The following ELF2 variants were observed in gnomAD, a reference collection of about 807,000 sequenced individuals.
ELF2 encodes ETS-related transcription factor Elf-2.
Under a neutral mutation model 54.8 loss-of-function variants are expected in ELF2, and 11 were observed. The observed-to-expected ratio is 0.20, with a 90% CI of 0.13 to 0.33. The LOEUF (loss-of-function observed/expected upper bound fraction) is 0.33, where lower values mean the gene tolerates loss of function less well. Among genes scored for constraint, ELF2 ranks in the 10% least tolerant of loss-of-function variants. The pLI, the probability that ELF2 is intolerant of heterozygous loss-of-function variation, is 1.00. For synonymous variants in ELF2, 203 were observed against 245.1 expected, an observed-to-expected ratio of 0.83 and a Z score of 1.61; for missense variants, 513 against 703.0, an observed-to-expected ratio of 0.73 and a Z score of 3.06.
At chr4:139,159,077 C>A (rs926052567) in intron 1 of ELF2, among the ~76,000 whole-genome samples, 12 of 152,068 alleles carry the variant, frequency 7.9e-5, no homozygotes, top group Non-Finnish European at 1.5e-4. Context: ...GAAGAAATGA[C>A]CATGGTGGCC....
Position 139,096,007 on chromosome 4 carries a change from A to G in ELF2, c.239-22440T>C, listed in dbSNP as rs532252518. 5.5e-4 allele frequency among the ~76,000 whole-genome samples: 84 copies of G among 152,164 alleles called. 1 individual carries two copies. The highest frequency in any genetic ancestry group is 1.1e-3 in the Non-Finnish European group (72 of 68,020). On this transcript the variant is annotated intron_variant, in intron 4 of 9. Coordinates refer to ENST00000686138, the MANE Select transcript of ELF2 (RefSeq NM_001331036.3). ...ATGCCCGTAATCCCAGCTACTCGGG[A>G]GGCTGAGGCAGGAGAATCGCTTAAA...
At chr4:139,073,334 A>G in intron 5 of ELF2, 120 bp downstream of exon 5, 1 of 518,452 alleles carries the variant, frequency 1.9e-6, no homozygotes, top group South Asian at 4.8e-5. Context: ...TCATGTATTC[A>G]TGTGTAATGT....
intron 3 of ELF2, among the ~76,000 whole-genome samples, chr4:139,128,627 T>C (rs1737185216): frequency 1.3e-5 from 2 of 150,928 alleles, no homozygotes; most frequent in Admixed American, 1.3e-4. Flanking sequence ...GCTCAAACCA[T>C]CCTCCCACCT....
intron 1 of ELF2, among the ~76,000 whole-genome samples, chr4:139,163,795 T>A (rs1741407612): frequency 6.6e-6 from 1 of 151,898 alleles, no homozygotes. Flanking sequence ...GTGCCTGTAG[T>A]CTCAGCTACT....
intron 3 of ELF2, among the ~76,000 whole-genome samples, chr4:139,127,983 A>G (rs995626097): frequency 6.7e-6 from 1 of 150,340 alleles, no homozygotes; most frequent in Non-Finnish European, 1.5e-5. Flanking sequence ...AAAAAAAAAA[A>G]TTCAGACCAG....
At chr4:139,143,002 C>CAGA (rs3041239) in intron 1 of ELF2, among the ~76,000 whole-genome samples, 5,308 of 152,254 alleles carry the variant, frequency 0.035, 205 homozygotes, top group African/African-American at 0.092. Context: ...GGAGGATTCT[C>CAGA]AGATGATGGA....
intron 1 of ELF2, among the ~76,000 whole-genome samples, chr4:139,144,940 G>A (rs540082650): frequency 1.3e-5 from 2 of 152,188 alleles, no homozygotes; most frequent in East Asian, 1.9e-4. Flanking sequence ...AGAAACTTTG[G>A]GGAGCCCTAT....
At chr4:139,079,492 CAG>C (rs1248502494) in intron 4 of ELF2, among the ~76,000 whole-genome samples, 6 of 152,194 alleles carry the variant, frequency 3.9e-5, no homozygotes, top group Non-Finnish European at 5.9e-5. Flanking sequence ...GAATCCGGGT[CAG>C]AGAGTTTGGT....
chr4:139,127,607 A>C (rs1237707604), intron 3 of ELF2, among the ~76,000 whole-genome samples: 1 of 152,200 alleles, frequency 6.6e-6, no homozygotes, highest in African/African-American at 2.4e-5. Context: ...GCACCTCTGG[A>C]AACAGCGCCC....
intron 4 of ELF2, among the ~76,000 whole-genome samples, chr4:139,092,032 A>C (rs1732647964): frequency 6.6e-6 from 1 of 150,678 alleles, no homozygotes; most frequent in East Asian, 1.9e-4. Context: ...TGGAACAAAA[A>C]GGGGGAAATA....
intron 1 of ELF2, among the ~76,000 whole-genome samples, chr4:139,173,936 T>C (rs116755469): frequency 0.022 from 3,241 of 146,438 alleles, 56 homozygotes; most frequent in African/African-American, 0.048. Flanking sequence ...AAAAAGAAAA[T>C]AGATTAGCCG....
chr4:139,149,217 T>C (rs533544278), intron 1 of ELF2, among the ~76,000 whole-genome samples: 1 of 152,286 alleles, frequency 6.6e-6, no homozygotes, highest in African/African-American at 2.4e-5. Context: ...CTTCAGATAT[T>C]AGAAGAAAAA....
At chr4:139,084,126 T>C in intron 4 of ELF2, 1 of 1,613,390 alleles carries the variant, frequency 6.2e-7, no homozygotes. Flanking sequence ...AGTTCCCCTG[T>C]CCTTACCGGC....
At chr4:139,174,569 G>A (rs898630100) in intron 1 of ELF2, among the ~76,000 whole-genome samples, 2 of 151,162 alleles carry the variant, frequency 1.3e-5, no homozygotes, top group Non-Finnish European at 2.9e-5. Flanking sequence ...CTGAATACAT[G>A]GATTCAATCA....
At chr4:139,154,963 G>A (rs1740379511) in intron 1 of ELF2, among the ~76,000 whole-genome samples, 1 of 151,986 alleles carries the variant, frequency 6.6e-6, no homozygotes, top group Non-Finnish European at 1.5e-5. Flanking sequence ...TTCAAATATT[G>A]AAGCTCTCAA....
Position 139,102,640 on chromosome 4 carries a change from A to C in ELF2, c.238+22524T>G, listed in dbSNP as rs375476319. On this transcript the variant is annotated intron_variant, in intron 4 of 9. Coordinates refer to ENST00000686138, the MANE Select transcript of ELF2 (RefSeq NM_001331036.3). ...CGGATCATCTGAGGTCAGGAGTTTT[A>C]GACCAGCCTGGCCGAGATGGTGAAA... 7.2e-5 allele frequency among the ~76,000 whole-genome samples: 11 copies of C among 151,758 alleles called. No homozygotes were observed. In the East Asian group the frequency reaches 2.2e-3, roughly 30 times the overall value.
intron 4 of ELF2, among the ~76,000 whole-genome samples, chr4:139,107,991 T>C (rs1734586829): frequency 6.6e-6 from 1 of 151,576 alleles, no homozygotes; most frequent in Non-Finnish European, 1.5e-5. Context: ...TGGTAAGAGC[T>C]AAAACTGAAA....
chr4:139,077,987 T>G (rs1016474834), intron 4 of ELF2, among the ~76,000 whole-genome samples: 2 of 152,242 alleles, frequency 1.3e-5, no homozygotes, highest in Non-Finnish European at 2.9e-5. Context: ...TTTCAAGAAC[T>G]GTTTTACTTT....
At chr4:139,167,173 T>C (rs1021822760) in intron 1 of ELF2, among the ~76,000 whole-genome samples, 10 of 152,212 alleles carry the variant, frequency 6.6e-5, no homozygotes, top group Admixed American at 5.9e-4. Context: ...TTCATAAAAG[T>C]TTGCTCTCTT....
Sources: allele counts gnomAD v4.1 joint callset (sites outside exome capture counted in the v4.1 genomes callset), GRCh38; gene constraint gnomAD v4.1.1; transcripts MANE v1.5; gene names NCBI Gene and HGNC (gene_info 2026-07-23, HGNC 2026-07-21).